ACKR2: variants seen among roughly 807,000 people sequenced by gnomAD.
The protein encoded by ACKR2 is atypical chemokine receptor 2.
For missense variants in ACKR2, 457 were observed against 477.3 expected, an observed-to-expected ratio of 0.96 and a Z score of 0.40; for synonymous variants, 207 against 192.2, an observed-to-expected ratio of 1.08 and a Z score of -0.64.
chr3:42,813,959 T>G (rs1192442069), intron 1 of ACKR2, among the ~76,000 whole-genome samples: 1 of 152,222 alleles, frequency 6.6e-6, no homozygotes, highest in African/African-American at 2.4e-5. Flanking sequence ...GTTCACACTT[T>G]ACCCAAACTT....
At chr3:42,826,719 A>G (rs1469896012) in intron 2 of ACKR2, among the ~76,000 whole-genome samples, 1 of 151,916 alleles carries the variant, frequency 6.6e-6, no homozygotes, top group African/African-American at 2.4e-5. Context: ...TTGTATTCAT[A>G]TTCTCTCATT....
chr3:42,847,922 A>G (rs1701114159), intron 2 of ACKR2, among the ~76,000 whole-genome samples: 2 of 152,154 alleles, frequency 1.3e-5, no homozygotes, highest in African/African-American at 4.8e-5. Flanking sequence ...CGGGAAACCT[A>G]GTTGCTCACA....
chr3:42,833,102 G>A (rs1700947451), intron 2 of ACKR2, among the ~76,000 whole-genome samples: 1 of 152,182 alleles, frequency 6.6e-6, no homozygotes, highest in South Asian at 2.1e-4. Context: ...GGGCTCAAGC[G>A]ATCTGCCCGC....
intron 2 of ACKR2, among the ~76,000 whole-genome samples, chr3:42,845,583 T>C (rs1701084803): frequency 6.6e-6 from 1 of 152,094 alleles, no homozygotes; most frequent in Admixed American, 6.5e-5. Flanking sequence ...AAGCTGGTCT[T>C]GAACTCCTGA....
chr3:42,812,785 C>T (rs1385579445), intron 1 of ACKR2, among the ~76,000 whole-genome samples: 1 of 146,418 alleles, frequency 6.8e-6, no homozygotes, highest in Non-Finnish European at 1.5e-5. Context: ...CTCCCAGGCT[C>T]AAGTGATCCT....
chr3:42,845,886 CA>C (rs998017869), intron 2 of ACKR2, among the ~76,000 whole-genome samples: 68 of 145,300 alleles, frequency 4.7e-4, no homozygotes, highest in African/African-American at 1.7e-3. Flanking sequence ...AAAAAGAAAA[CA>C]AAAGAAAAGA....
chr3:42,837,662 T>TA (rs1186963446), intron 2 of ACKR2, among the ~76,000 whole-genome samples: 1 of 152,146 alleles, frequency 6.6e-6, no homozygotes, highest in African/African-American at 2.4e-5. Context: ...AGTCCACTCA[T>TA]ACTCTCATGC....
At chr3:42,812,264 T>C (rs1244561023) in intron 1 of ACKR2, among the ~76,000 whole-genome samples, 5 of 152,238 alleles carry the variant, frequency 3.3e-5, no homozygotes, top group African/African-American at 1.2e-4. Context: ...ACTGCATTTG[T>C]TGTGCCAAGC....
chr3:42,851,879 A>G (rs1701164799), intron 2 of ACKR2, among the ~76,000 whole-genome samples: 2 of 151,692 alleles, frequency 1.3e-5, no homozygotes, highest in South Asian at 2.1e-4. Context: ...GCACATGTCC[A>G]CCCTCTCCCC....
intron 1 of ACKR2, among the ~76,000 whole-genome samples, chr3:42,819,260 A>G (rs1394236833): frequency 1.3e-5 from 2 of 152,206 alleles, no homozygotes; most frequent in South Asian, 2.1e-4. Flanking sequence ...TTAGAAACTC[A>G]TAATTTTATG....
intron 2 of ACKR2, among the ~76,000 whole-genome samples, chr3:42,860,070 G>A (rs564609532): frequency 3.4e-5 from 5 of 146,298 alleles, no homozygotes; most frequent in Admixed American, 6.9e-5. Flanking sequence ...AAGACCCATC[G>A]GTGTGCTGTA....
intron 2 of ACKR2, among the ~76,000 whole-genome samples, chr3:42,828,092 A>ATATATATATATATT (rs1193533555): frequency 8.2e-6 from 1 of 121,902 alleles, no homozygotes; most frequent in Non-Finnish European, 1.7e-5. Flanking sequence ...ATATATATAT[A>ATATATATATATATT]TTTTTTTTTT....
chr3:42,850,053 G>A (rs1027665390), intron 2 of ACKR2, among the ~76,000 whole-genome samples: 8 of 152,100 alleles, frequency 5.3e-5, no homozygotes, highest in African/African-American at 1.7e-4. Flanking sequence ...GGGGGGAGGT[G>A]AGGGAGAATA....
chr3:42,823,758 T>C (rs1344083580), intron 2 of ACKR2, among the ~76,000 whole-genome samples: 2 of 152,204 alleles, frequency 1.3e-5, no homozygotes, highest in Non-Finnish European at 2.9e-5. Flanking sequence ...ATTAATAAAA[T>C]CTATTGACTT....
chr3:42,821,639 C>G (rs1700810176), intron 2 of ACKR2, among the ~76,000 whole-genome samples: 1 of 152,170 alleles, frequency 6.6e-6, no homozygotes, highest in South Asian at 2.1e-4. Context: ...TCTTGCCTCT[C>G]TATCTTTTCT....
In ACKR2 at chr3:42,852,455, G is replaced by A. The variant is rs1184813728; in HGVS notation, c.-37-12011G>A. The A allele has an allele frequency of 6.6e-6, 1 of 152,112 alleles. No homozygotes were observed. Among genetic ancestry groups the A allele is most frequent in the Non-Finnish European group, 1.5e-5 (1 of 68,020 alleles). 9.4% of individuals were successfully genotyped at this position (152,112 alleles called of 1,614,324 possible). On this transcript the variant is annotated intron_variant, in intron 2 of 2. Transcript: ENST00000422265. This position sits in a 1 kb window ranked among gnomAD's most constrained non-coding sequence, Gnocchi z 4.3. Reference sequence around the variant, plus strand: ...TAGCTGAAATAAGTTTTGGGAGGAGGGTTACTCTTGTGATTTTATATATGT... The same window carrying A: ...TAGCTGAAATAAGTTTTGGGAGGAGAGTTACTCTTGTGATTTTATATATGT...
rs192171693 is a variant in ACKR2 at position 42,828,133 on chromosome 3, A to C, written c.-38+8422A>C. On this transcript the variant is annotated intron_variant, in intron 2 of 2. Coordinates refer to ENST00000422265, the MANE Select transcript of ACKR2 (RefSeq NM_001296.5). ...TTTCTTTTCTTTTCTTTTCTGAGACAGAGTCTTGCTCTGTCACCCAGGCTG... is the reference window on the plus strand; with the variant it reads ...TTTCTTTTCTTTTCTTTTCTGAGACCGAGTCTTGCTCTGTCACCCAGGCTG... Among the ~76,000 whole-genome samples, 346 of 141,778 alleles carry C rather than the reference A, an allele frequency of 2.4e-3. 7 individuals carry two copies. In the East Asian group the frequency reaches 0.049, roughly 20 times the overall value. 93.0% of individuals were successfully genotyped at this position (141,778 alleles called of 152,430 possible). A position where few individuals can be genotyped will look rare whatever the true frequency, so the allele number is the denominator to read the frequency against.
intron 2 of ACKR2, among the ~76,000 whole-genome samples, chr3:42,862,630 G>A (rs967865692): frequency 3.9e-5 from 6 of 152,040 alleles, no homozygotes; most frequent in Non-Finnish European, 7.4e-5. Context: ...CTACAGTAAC[G>A]AAAACAGCAT....
At chr3:42,828,092 A>ATATATTTTTTTTTTTTTTTTTTTTTT (rs1193533555) in intron 2 of ACKR2, among the ~76,000 whole-genome samples, 1 of 121,904 alleles carries the variant, frequency 8.2e-6, no homozygotes, top group Non-Finnish European at 1.7e-5. Context: ...ATATATATAT[A>ATATATTTTTTTTTTTTTTTTTTTTTT]TTTTTTTTTT....
Sources: allele counts gnomAD v4.1 joint callset (sites outside exome capture counted in the v4.1 genomes callset), GRCh38; gene constraint gnomAD v4.1.1; non-coding constraint Gnocchi (gnomAD v3.1); transcripts MANE v1.5; gene names NCBI Gene and HGNC (gene_info 2026-07-23, HGNC 2026-07-21).